The following NOA1 variants were observed in gnomAD, a reference collection of about 807,000 sequenced individuals.
NOA1 encodes nitric oxide-associated protein 1.
NOA1 carries 35 observed loss-of-function variants against 58.4 expected under a neutral mutation model. That is an observed-to-expected ratio of 0.60 (90% CI 0.46 to 0.79). NOA1 has a LOEUF of 0.79. NOA1 is among the 30% of genes least tolerant of loss of function. The pLI is 0.00. For missense variants in NOA1, 895 were observed against 894.6 expected (o/e 1.00, Z -0.01); for synonymous variants, 397 against 373.4 (o/e 1.06, Z -0.73).
Position 56,968,419 on chromosome 4 carries a change from A to G in NOA1, c.1612T>C (p.Phe538Leu). The G allele has an allele frequency of 6.2e-7, 1 of 1,613,130 alleles. No homozygotes were observed. Among genetic ancestry groups the G allele is most frequent in the Non-Finnish European group, 8.5e-7 (1 of 1,179,828 alleles). ...TCTATGCGGCCTATAGCACCCAAAAACAGAACCATTCCTGGTTTAAGCACA... is the reference window on the plus strand; with the variant it reads ...TCTATGCGGCCTATAGCACCCAAAAGCAGAACCATTCCTGGTTTAAGCACA... ...TFVLKPGMVL[F>L]LGAIGRIDFL... The change falls in exon 4 of 7, where the codon TTT becomes CTT. Residue 538 changes from phenylalanine (F) to leucine (L), a missense_variant. This residue lies in a region of NOA1 where 212 missense variants were observed against 221.3 expected (regional missense o/e 0.96). Transcript: ENST00000264230.
chr4:56,977,392 C>T lies in NOA1; in HGVS notation c.194G>A (p.Gly65Asp). The T allele has an allele frequency of 1.2e-6, 2 of 1,614,236 alleles. No individual in the cohort carries two copies. The highest frequency in any genetic ancestry group is 2.2e-5 in the South Asian group (2 of 91,092). Residue 65 changes from glycine to aspartate, a missense_variant, in exon 1 of 7, where the codon GGT becomes GAT. Gly to Asp is a moderately conservative substitution (Grantham distance 94). Coordinates refer to ENST00000264230, the MANE Select transcript of NOA1 (RefSeq NM_032313.4). ...DPVDTEGFGEGGDMQERFLFP... is the reference protein window; with the variant it reads ...DPVDTEGFGEDGDMQERFLFP... Reference sequence around the variant, plus strand: ...CAGAAAACGCTCCTGCATGTCACCACCTTCTCCAAAGCCCTCCGTGTCCAC... The same window carrying T: ...CAGAAAACGCTCCTGCATGTCACCATCTTCTCCAAAGCCCTCCGTGTCCAC...
chr4:56,969,899 G>A (rs976046287), intron 3 of NOA1, among the ~76,000 whole-genome samples: 6 of 151,998 alleles, frequency 3.9e-5, no homozygotes, highest in Non-Finnish European at 7.4e-5. Context: ...TCCTGTCTCA[G>A]TCTCCCAAGT....
intron 5 of NOA1, among the ~76,000 whole-genome samples, chr4:56,965,279 A>G (rs1206187740): frequency 1.3e-5 from 2 of 152,124 alleles, no homozygotes; most frequent in African/African-American, 2.4e-5. Flanking sequence ...CTGGGATTAC[A>G]GGTGTGAGCC....
chr4:56,967,840 T>C (rs1721742763), intron 4 of NOA1, among the ~76,000 whole-genome samples: 1 of 152,002 alleles, frequency 6.6e-6, no homozygotes, highest in Non-Finnish European at 1.5e-5. Flanking sequence ...CTGTGTAGGG[T>C]ACTCAATTGA....
intron 3 of NOA1, 49 bp from the exon 4 acceptor site, chr4:56,968,564 T>G: frequency 1.4e-6 from 2 of 1,380,286 alleles, no homozygotes; most frequent in Non-Finnish European, 2.0e-6. Flanking sequence ...ATTGAAAATA[T>G]GATATATTAT....
chr4:56,977,316 CT>C lies in NOA1; in HGVS notation c.269del (p.Gln90ArgfsTer50), dbSNP rs1560466668. ...CCTGCTGTTGCTGGAGCTCCTGCAG[CT>C]GCTTTTCGCGGGTGGGTTGCGGCTC... ...DPEPQPTREK[Q>X]LQELQQQQEE... is the part of the protein sequence containing the mutation. On this transcript the variant is annotated frameshift_variant, in exon 1 of 7. Transcript: ENST00000264230. LOFTEE classifies it high-confidence loss of function. 6.8e-6 allele frequency: 11 copies of C among 1,614,068 alleles called. No individual in the cohort carries two copies. The highest frequency in any genetic ancestry group is 9.3e-6 in the Non-Finnish European group (11 of 1,180,042).
At chr4:56,965,211 AG>A (rs1449740933) in intron 5 of NOA1, among the ~76,000 whole-genome samples, 5 of 152,068 alleles carry the variant, frequency 3.3e-5, no homozygotes, top group Non-Finnish European at 7.4e-5. Context: ...CATGTTAGCC[AG>A]GCTGGTCTCA....
At chr4:56,967,919 G>GT (rs34091656) in intron 4 of NOA1, among the ~76,000 whole-genome samples, 278 of 141,124 alleles carry the variant, frequency 2.0e-3, no homozygotes, top group Non-Finnish European at 2.1e-3. Flanking sequence ...TTTTCCCCAA[G>GT]TTTTTTTTTT....
chr4:56,977,105 G>C lies in NOA1; in HGVS notation c.481C>G (p.Arg161Gly), dbSNP rs1190287146. The C allele has an allele frequency of 1.3e-6, 2 of 1,563,054 alleles. No individual in the cohort carries two copies. The highest frequency in any genetic ancestry group is 1.7e-6 in the Non-Finnish European group (2 of 1,157,448). Residue 161 changes from arginine to glycine, a missense_variant, in exon 1 of 7, where the codon CGA (arginine) becomes GGA (glycine). Arg to Gly is a moderately radical substitution (Grantham distance 125). Coordinates refer to ENST00000264230, the MANE Select transcript of NOA1 (RefSeq NM_032313.4). ...TCCGCCGTGCGGAGGAACTTCTCTC[G>C]GGGCAGGTAGCCGGGCACTCCGGCG... ...QDAGVPGYLP[R>G]EKFLRTAEAD...
chr4:56,964,397 T>A lies in NOA1; in HGVS notation c.1885+9A>T, dbSNP rs1230826601. On this transcript the variant is annotated intron_variant, in intron 6 of 6. Transcript: ENST00000264230. ...TTCACTTTTTAAAAAGTGCTTGGCATAAAATTACCTGCAGAGGAAAACTTG... is the reference window on the plus strand; with the variant it reads ...TTCACTTTTTAAAAAGTGCTTGGCAAAAAATTACCTGCAGAGGAAAACTTG... 1 of 1,613,832 alleles carries A rather than the reference T, an allele frequency of 6.2e-7. No individual in the cohort carries two copies. Among genetic ancestry groups the A allele is most frequent in the Admixed American group, 1.7e-5 (1 of 59,946 alleles).
intron 1 of NOA1, among the ~76,000 whole-genome samples, chr4:56,975,143 C>T (rs1032934119): frequency 6.6e-6 from 1 of 151,960 alleles, no homozygotes; most frequent in Admixed American, 6.5e-5. Flanking sequence ...CCCACCTCAA[C>T]CTCCTGAGTA....
rs1289790163 is a variant in NOA1 at position 56,977,438 on chromosome 4, G to C, written c.148C>G (p.Arg50Gly). 1 of 1,614,058 alleles carries C rather than the reference G, an allele frequency of 6.2e-7. No individual in the cohort carries two copies. The highest frequency in any genetic ancestry group is 1.3e-5 in the African/African-American group (1 of 74,958). The change falls in exon 1 of 7, where the codon CGC (arginine) becomes GGC (glycine). Residue 50 changes from arginine (R) to glycine (G), a missense_variant. Transcript: ENST00000264230. The part of the protein sequence containing the change: ...SSFQHSSSLG[R>G]ELPYDPVDTE... The stretch of plus-strand genomic sequence containing the variant: ...TCCACGGGGTCATAAGGAAGCTCGC[G>C]TCCCAGACTCGATGAGTGCTGGAAG...
chr4:56,975,318 C>T (rs897989277), intron 1 of NOA1, among the ~76,000 whole-genome samples: 1 of 151,958 alleles, frequency 6.6e-6, no homozygotes, highest in African/African-American at 2.4e-5. Context: ...CCACTGAGCC[C>T]GGCAAAGCCA....
chr4:56,964,314 A>C, intron 6 of NOA1, 92 bp downstream of exon 6: 1 of 1,484,588 alleles, frequency 6.7e-7, no homozygotes, highest in Non-Finnish European at 9.2e-7. Context: ...TGATCCGCCC[A>C]CCTCGGCCTC....
At chr4:56,975,766 C>T (rs1407145111) in intron 1 of NOA1, among the ~76,000 whole-genome samples, 2 of 152,192 alleles carry the variant, frequency 1.3e-5, no homozygotes, top group African/African-American at 4.8e-5. Flanking sequence ...ATCCCAGCTA[C>T]TCAGGAGGCT....
chr4:56,974,714 C>G (rs1026446675), intron 1 of NOA1, among the ~76,000 whole-genome samples: 4 of 150,788 alleles, frequency 2.7e-5, no homozygotes, highest in African/African-American at 9.7e-5. Flanking sequence ...AAGTTTGTTT[C>G]TTTCTTTCTT....
intron 3 of NOA1, among the ~76,000 whole-genome samples, chr4:56,970,197 T>G (rs1395295238): frequency 1.3e-5 from 2 of 151,808 alleles, no homozygotes; most frequent in Middle Eastern, 3.2e-3. Context: ...CCCTGGAGGC[T>G]GAGGTGGAGG....
intron 6 of NOA1, 42 bp from the exon 7 acceptor site, chr4:56,963,703 CATCTT>C (rs775158208): frequency 6.7e-7 from 1 of 1,499,228 alleles, no homozygotes; most frequent in African/African-American, 1.4e-5. Flanking sequence ...TGTTAGCAAT[CATCTT>C]ATTAAAAATA....
At position 56,973,210 on chromosome 4, in the gene NOA1, C is replaced by G; in HGVS notation, c.1453G>C (p.Ala485Pro). ...HKSTKQVELT[A>P]QDVKDAHWFY... is the part of the protein sequence containing the mutation. ...CAGTGGGCATCTTTCACATCTTGTG[C>G]AGTCAATTCTACTTGTTTGGTGGAT... The change falls in exon 3 of 7, where the codon GCA becomes CCA. Residue 485 changes from alanine (A) to proline (P), a missense_variant. Around this residue, in one of 3 missense-constraint regions of NOA1, gnomAD observed 680 missense variants for 656.5 expected, o/e 1.04. Transcript: ENST00000264230. The G allele has an allele frequency of 6.2e-7, 1 of 1,614,140 alleles. No homozygotes were observed. The highest frequency in any genetic ancestry group is 1.3e-5 in the African/African-American group (1 of 75,038).
Sources: gnomAD v4.1 joint callset for allele counts (sites outside exome capture counted in the v4.1 genomes callset) on GRCh38, gnomAD v4.1.1 for gene constraint, gnomAD v4.1.1 regional missense constraint, MANE v1.5 for transcripts, NCBI Gene and HGNC (gene_info 2026-07-23, HGNC 2026-07-21) for gene names.